Variants in RNF139 observed in about 807,000 individuals in gnomAD.
RNF139 encodes E3 ubiquitin-protein ligase RNF139.
In RNF139, 15 loss-of-function variants were observed where a neutral mutation model predicts 49.5. The ratio of observed to expected loss-of-function variants is 0.30; its 90% CI spans 0.20 to 0.47. The LOEUF (loss-of-function observed/expected upper bound fraction) is 0.47. Among genes scored for constraint, RNF139 ranks in the 20% least tolerant of loss-of-function variants. The pLI, the probability that RNF139 is intolerant of heterozygous loss-of-function variation, is 1.00. For synonymous variants in RNF139, 325 were observed against 300.9 expected (o/e 1.08, Z -0.83); for missense variants, 619 against 806.3 (o/e 0.77, Z 2.81).
chr8:124,484,919 G>GA (rs908884675), intron 1 of RNF139, among the ~76,000 whole-genome samples: 1 of 151,880 alleles, frequency 6.6e-6, no homozygotes, highest in African/African-American at 2.4e-5. Flanking sequence ...AAACTAGGAG[G>GA]AAAAAAAATG....
At position 124,475,152 on chromosome 8, in the gene RNF139, C is replaced by T; in HGVS notation, c.43C>T (p.His15Tyr). 1.9e-6 allele frequency: 3 copies of T among 1,610,740 alleles called. No individual in the cohort carries two copies. The highest frequency in any genetic ancestry group is 2.5e-6 in the Non-Finnish European group (3 of 1,179,262). Residue 15 changes from histidine (H) to tyrosine (Y), a missense_variant, in exon 1 of 2, where the codon CAT (histidine) becomes TAT (tyrosine). Coordinates refer to ENST00000303545, the MANE Select transcript of RNF139 (RefSeq NM_007218.4). ...CCCGCAGCAGCAGGTGCGGATGGCC[C>T]ATCAGCAGGTCTGGGCGGCGCTCGA... ...GPPQQQVRMA[H>Y]QQVWAALEVA...
Position 124,486,902 on chromosome 8 carries a change from C to T in RNF139, c.1253C>T (p.Thr418Ile). ...CTTTGGCATCACTATGCACTAAATA[C>T]ATGGTTGTTTGCAGTTACAGCATTT... is the stretch of plus-strand genomic sequence containing the variant. Reference protein sequence around the residue: ...YVLWHHYALNTWLFAVTAFCV... With the variant: ...YVLWHHYALNIWLFAVTAFCV... The change falls in exon 2 of 2, where the codon ACA becomes ATA. Residue 418 changes from threonine (T) to isoleucine (I), a missense_variant. Transcript: ENST00000303545. 6.2e-7 allele frequency: 1 copy of T among 1,613,994 alleles called. No individual in the cohort carries two copies. Among genetic ancestry groups the T allele is most frequent in the Non-Finnish European group, 8.5e-7 (1 of 1,180,004 alleles).
chr8:124,478,543 G>T (rs13254054), intron 1 of RNF139, among the ~76,000 whole-genome samples: 13,931 of 150,622 alleles, frequency 0.092, 800 homozygotes, highest in Non-Finnish European at 0.13. Context: ...GGGAGGTGGA[G>T]GTTGCAGTGA....
At chr8:124,481,101 C>G (rs1388323077) in intron 1 of RNF139, among the ~76,000 whole-genome samples, 1 of 151,964 alleles carries the variant, frequency 6.6e-6, no homozygotes, top group African/African-American at 2.4e-5. Flanking sequence ...ACTTAGAATA[C>G]CAGGTTTTTT....
chr8:124,486,199 T>A lies in RNF139; in HGVS notation c.550T>A (p.Leu184Met), dbSNP rs1816525129. 7 of 1,614,212 alleles carry A rather than the reference T, an allele frequency of 4.3e-6. No individual in the cohort carries two copies. Among genetic ancestry groups the A allele is most frequent in the Non-Finnish European group, 5.9e-6 (7 of 1,180,024 alleles). ...IRETLLFTSSLILTLNTVFVL... is the reference protein window; with the variant it reads ...IRETLLFTSSMILTLNTVFVL... The stretch of plus-strand genomic sequence containing the variant: ...AGAGACTTTACTGTTTACTTCTTCC[T>A]TGATTCTCACATTAAATACAGTGTT... The change falls in exon 2 of 2, where the codon TTG becomes ATG. Residue 184 changes from leucine to methionine, a missense_variant. Coordinates refer to ENST00000303545, the MANE Select transcript of RNF139 (RefSeq NM_007218.4).
In RNF139 at chr8:124,475,231, A is replaced by T; in HGVS notation, c.122A>T (p.Tyr41Phe). 3 of 1,613,588 alleles carry T rather than the reference A, an allele frequency of 1.9e-6. No individual in the cohort carries two copies. Among genetic ancestry groups the T allele is most frequent in the Non-Finnish European group, 2.5e-6 (3 of 1,179,828 alleles). ...LYIIDAIFNS[Y>F]PDSSQSRFCI... ...ATCATCGACGCCATCTTCAACTCCT[A>T]CCCGGATTCCAGCCAAAGCCGGTTC... The change falls in exon 1 of 2, where the codon TAC becomes TTC. Residue 41 changes from tyrosine (Y) to phenylalanine (F), a missense_variant. Around this residue, in one of 2 missense-constraint regions of RNF139, gnomAD observed 89 missense variants for 77.5 expected, o/e 1.15. Transcript: ENST00000303545.
intron 1 of RNF139, among the ~76,000 whole-genome samples, chr8:124,483,010 A>AAT (rs368206010): frequency 2.9e-5 from 2 of 69,976 alleles, no homozygotes; most frequent in Admixed American, 2.0e-4. Context: ...ATATATTAAA[A>AAT]ATATATATAT....
At position 124,475,237 on chromosome 8, in the gene RNF139, A is replaced by T; in HGVS notation, c.128A>T (p.Asp43Val). 6.2e-7 allele frequency: 1 copy of T among 1,613,750 alleles called. No homozygotes were observed. Among genetic ancestry groups the T allele is most frequent in the Non-Finnish European group, 8.5e-7 (1 of 1,179,858 alleles). The change falls in exon 1 of 2, where the codon GAT (aspartate) becomes GTT (valine). Residue 43 changes from aspartate (D) to valine (V), a missense_variant. Physicochemically the swap from Asp to Val is radical, Grantham distance 152 (BLOSUM62 -3). This residue lies in a region of RNF139 where 89 missense variants were observed against 77.5 expected (regional missense o/e 1.15). Transcript: ENST00000303545. ...GACGCCATCTTCAACTCCTACCCGG[A>T]TTCCAGCCAAAGCCGGTTCTGCATC... ...IIDAIFNSYPDSSQSRFCIVL... is the reference protein window; with the variant it reads ...IIDAIFNSYPVSSQSRFCIVL...
intron 1 of RNF139, among the ~76,000 whole-genome samples, chr8:124,485,147 T>A (rs1441395167): frequency 1.3e-5 from 2 of 152,144 alleles, no homozygotes; most frequent in African/African-American, 4.8e-5. Context: ...GCGGATCACT[T>A]GACGTCAGGA....
chr8:124,487,650 A>G lies in RNF139; in HGVS notation c.*6A>G, dbSNP rs1485836396. On this transcript the variant is annotated 3_prime_UTR_variant, in exon 2 of 2. Coordinates refer to ENST00000303545, the MANE Select transcript of RNF139 (RefSeq NM_007218.4). ...TTAATGATGATACTGACTGATGAAA[A>G]TAGCATTTATTAATGATTGAGGTAT... 6.3e-7 allele frequency: 1 copy of G among 1,581,128 alleles called. No homozygotes were observed.
chr8:124,487,363 C>T lies in RNF139; in HGVS notation c.1714C>T (p.Leu572Phe). The change falls in exon 2 of 2, where the codon CTT (leucine) becomes TTT (phenylalanine). Residue 572 changes from leucine to phenylalanine, a missense_variant. Physicochemically the swap from Leu to Phe is conservative, Grantham distance 22 (BLOSUM62 0). This residue lies in a region of RNF139 where 530 missense variants were observed against 728.9 expected (regional missense o/e 0.73). Coordinates refer to ENST00000303545, the MANE Select transcript of RNF139 (RefSeq NM_007218.4). ...TAATCATTATTTCCATGCACTTTGCCTTCGGAAATGGCTGTACATTCAAGA... is the reference window on the plus strand; with the variant it reads ...TAATCATTATTTCCATGCACTTTGCTTTCGGAAATGGCTGTACATTCAAGA... ...PCNHYFHALCLRKWLYIQDTC... is the reference protein window; with the variant it reads ...PCNHYFHALCFRKWLYIQDTC... 1 of 1,614,144 alleles carries T rather than the reference C, an allele frequency of 6.2e-7. No homozygotes were observed. The highest frequency in any genetic ancestry group is 8.5e-7 in the Non-Finnish European group (1 of 1,180,018).
In RNF139 at chr8:124,488,455, A is replaced by AGGGGAATGGT. The variant is rs889955515; in HGVS notation, c.*823_*832dup. 5 of 483,758 alleles carry AGGGGAATGGT rather than the reference A, an allele frequency of 1.0e-5. No homozygotes were observed. The highest frequency in any genetic ancestry group is 4.1e-5 in the African/African-American group (2 of 49,024). The allele number at this position is 483,758 out of a possible 1,614,324, so 30.0% of individuals were successfully genotyped here. ...CTGATCTGATTTTACGAGAAAAAGA[A>AGGGGAATGGT]GGGGAATGGTGGGGAATGGTGTGTA... On this transcript the variant is annotated 3_prime_UTR_variant, in exon 2 of 2. Coordinates refer to ENST00000303545, the MANE Select transcript of RNF139 (RefSeq NM_007218.4).
chr8:124,487,443 T>A lies in RNF139; in HGVS notation c.1794T>A (p.Asn598Lys). 6.2e-7 allele frequency: 1 copy of A among 1,614,052 alleles called. No homozygotes were observed. Among genetic ancestry groups the A allele is most frequent in the Non-Finnish European group, 8.5e-7 (1 of 1,179,946 alleles). ...ACATCGAAGATGATATCAAGGATAA[T>A]TCAAATGTATCTAACAACAATGGAT... is the stretch of plus-strand genomic sequence containing the variant. ...KVYIEDDIKD[N>K]SNVSNNNGFI... Residue 598 changes from asparagine to lysine, a missense_variant, in exon 2 of 2, where the codon AAT (asparagine) becomes AAA (lysine). This residue lies in a region of RNF139 where 530 missense variants were observed against 728.9 expected (regional missense o/e 0.73). Coordinates refer to ENST00000303545, the MANE Select transcript of RNF139 (RefSeq NM_007218.4).
chr8:124,487,659 A>G lies in RNF139; in HGVS notation c.*15A>G. 6.3e-7 allele frequency: 1 copy of G among 1,576,068 alleles called. No homozygotes were observed. The highest frequency in any genetic ancestry group is 8.6e-7 in the Non-Finnish European group (1 of 1,161,934). On this transcript the variant is annotated 3_prime_UTR_variant, in exon 2 of 2. Coordinates refer to ENST00000303545, the MANE Select transcript of RNF139 (RefSeq NM_007218.4). ...ATACTGACTGATGAAAATAGCATTTATTAATGATTGAGGTATTTGTTTAAA... is the reference window on the plus strand; with the variant it reads ...ATACTGACTGATGAAAATAGCATTTGTTAATGATTGAGGTATTTGTTTAAA...
intron 1 of RNF139, among the ~76,000 whole-genome samples, chr8:124,477,672 A>G (rs888861444): frequency 2.6e-5 from 4 of 152,240 alleles, no homozygotes; most frequent in African/African-American, 4.8e-5. Flanking sequence ...ATAAAATTCT[A>G]TGACAATATA....
Position 124,485,514 on chromosome 8 carries a change from T to C in RNF139, c.182-317T>C, listed in dbSNP as rs543726932. 5.2e-4 allele frequency among the ~76,000 whole-genome samples: 79 copies of C among 152,362 alleles called. 1 individual carries two copies. In the South Asian group the frequency reaches 0.016, roughly 31 times the overall value. On this transcript the variant is annotated intron_variant, in intron 1 of 1. Coordinates refer to ENST00000303545, the MANE Select transcript of RNF139 (RefSeq NM_007218.4). ...GAGTTTTAAAACTTGTTAAAATGTATGTACCACTACAAATTCATCTTGAAA... is the reference window on the plus strand; with the variant it reads ...GAGTTTTAAAACTTGTTAAAATGTACGTACCACTACAAATTCATCTTGAAA...
At chr8:124,476,496 A>T (rs902841232) in intron 1 of RNF139, among the ~76,000 whole-genome samples, 1 of 152,234 alleles carries the variant, frequency 6.6e-6, no homozygotes, top group Non-Finnish European at 1.5e-5. Flanking sequence ...AATATGGTTT[A>T]CTTTCCTCCC....
At position 124,486,899 on chromosome 8, in the gene RNF139, A is replaced by G. The variant is rs1225063153; in HGVS notation, c.1250A>G (p.Asn417Ser). 3 of 1,614,058 alleles carry G rather than the reference A, an allele frequency of 1.9e-6. No individual in the cohort carries two copies. Among genetic ancestry groups the G allele is most frequent in the Non-Finnish European group, 2.5e-6 (3 of 1,180,010 alleles). The change falls in exon 2 of 2, where the codon AAT (asparagine) becomes AGT (serine). Residue 417 changes from asparagine to serine, a missense_variant. Asn to Ser is a conservative substitution (Grantham distance 46). This residue lies in a region of RNF139 where 530 missense variants were observed against 728.9 expected (regional missense o/e 0.73). Transcript: ENST00000303545. ...GTTCTTTGGCATCACTATGCACTAAATACATGGTTGTTTGCAGTTACAGCA... is the reference window on the plus strand; with the variant it reads ...GTTCTTTGGCATCACTATGCACTAAGTACATGGTTGTTTGCAGTTACAGCA... Reference protein sequence around the residue: ...SYVLWHHYALNTWLFAVTAFC... With the variant: ...SYVLWHHYALSTWLFAVTAFC...
chr8:124,487,646 G>A lies in RNF139; in HGVS notation c.*2G>A, dbSNP rs1240674977. 19 of 1,585,754 alleles carry A rather than the reference G, an allele frequency of 1.2e-5. No individual in the cohort carries two copies. Among genetic ancestry groups the A allele is most frequent in the Non-Finnish European group, 1.6e-5 (19 of 1,166,738 alleles). On this transcript the variant is annotated 3_prime_UTR_variant, in exon 2 of 2. Coordinates refer to ENST00000303545, the MANE Select transcript of RNF139 (RefSeq NM_007218.4). ...GAATTTAATGATGATACTGACTGAT[G>A]AAAATAGCATTTATTAATGATTGAG... is the stretch of plus-strand genomic sequence containing the variant.
Sources: gnomAD v4.1 joint callset for allele counts (sites outside exome capture counted in the v4.1 genomes callset) on GRCh38, gnomAD v4.1.1 for gene constraint, gnomAD v4.1.1 regional missense constraint, MANE v1.5 for transcripts, NCBI Gene and HGNC (gene_info 2026-07-23, HGNC 2026-07-21) for gene names.